Variants in NLGN1 observed in about 807,000 individuals in gnomAD.
NLGN1 encodes neuroligin-1.
A neutral mutation model predicts 65.5 loss-of-function variants in NLGN1; 12 were observed. The ratio of observed to expected loss-of-function variants is 0.18; its 90% CI spans 0.12 to 0.30. The LOEUF is 0.30. Among genes scored for constraint, NLGN1 ranks in the 10% least tolerant of loss-of-function variants. The probability of loss-of-function intolerance (pLI) is 1.00; values close to 1 mark genes in which losing one functional copy is unlikely to be tolerated. For synonymous variants in NLGN1, 350 were observed against 359.5 expected (o/e 0.97, Z 0.30); for missense variants, 750 against 1,007.1 (o/e 0.74, Z 3.46).
chr3:173,893,634 C>T (rs143475582), intron 4 of NLGN1, among the ~76,000 whole-genome samples: 2 of 152,148 alleles, frequency 1.3e-5, no homozygotes, highest in African/African-American at 4.8e-5. Context: ...CAGATCTTCA[C>T]CTTGTGTCTA....
intron 1 of NLGN1, among the ~76,000 whole-genome samples, chr3:173,414,578 C>G (rs1384642445): frequency 7.0e-6 from 1 of 143,496 alleles, no homozygotes; most frequent in Admixed American, 7.2e-5. Context: ...GCAACATCTC[C>G]ATGTGAAAAA....
chr3:173,891,178 C>T (rs1735261006), intron 4 of NLGN1, among the ~76,000 whole-genome samples: 1 of 152,146 alleles, frequency 6.6e-6, no homozygotes, highest in African/African-American at 2.4e-5. Context: ...GTAATGACAG[C>T]AAAGCACTCT....
At chr3:173,522,467 G>A (rs1346338071) in intron 2 of NLGN1, among the ~76,000 whole-genome samples, 2 of 152,198 alleles carry the variant, frequency 1.3e-5, no homozygotes, top group African/African-American at 4.8e-5. Context: ...GTCTTGCTCA[G>A]TCGCCCAGGC....
At chr3:173,573,971 G>A (rs917219654) in intron 2 of NLGN1, among the ~76,000 whole-genome samples, 2 of 148,760 alleles carry the variant, frequency 1.3e-5, no homozygotes, top group Admixed American at 6.8e-5. Context: ...GCTGAGGCAG[G>A]AGAATGGCGT....
chr3:174,143,630 G>A (rs1722682368), intron 4 of NLGN1, among the ~76,000 whole-genome samples: 1 of 151,844 alleles, frequency 6.6e-6, no homozygotes. Context: ...ATGGAGATTT[G>A]GTGGGGGGGT....
chr3:173,843,361 A>C (rs576782363), intron 4 of NLGN1, among the ~76,000 whole-genome samples: 1 of 152,354 alleles, frequency 6.6e-6, no homozygotes, highest in African/African-American at 2.4e-5. Context: ...TTACTTATGC[A>C]AATTTCTGCA....
intron 4 of NLGN1, among the ~76,000 whole-genome samples, chr3:174,154,027 T>G (rs535993292): frequency 6.6e-6 from 1 of 152,242 alleles, no homozygotes; most frequent in South Asian, 2.1e-4. Context: ...AAATAAAATG[T>G]AACTGTGATT....
intron 4 of NLGN1, among the ~76,000 whole-genome samples, chr3:174,034,962 G>C (rs907169722): frequency 1.3e-5 from 2 of 152,136 alleles, no homozygotes; most frequent in African/African-American, 4.8e-5. Context: ...ATTGGAGAAA[G>C]ATATGCCATG....
chr3:174,191,778 G>A (rs1387542580), intron 4 of NLGN1, among the ~76,000 whole-genome samples: 1 of 151,376 alleles, frequency 6.6e-6, no homozygotes, highest in Non-Finnish European at 1.5e-5. Context: ...CAGATTTTCA[G>A]GTTGTTTTGT....
At chr3:174,153,026 T>G (rs1476186772) in intron 4 of NLGN1, among the ~76,000 whole-genome samples, 1 of 152,166 alleles carries the variant, frequency 6.6e-6, no homozygotes, top group Non-Finnish European at 1.5e-5. Context: ...TTTCTGACTT[T>G]ACTTCCTGCC....
intron 2 of NLGN1, among the ~76,000 whole-genome samples, chr3:173,569,337 C>T (rs114001769): frequency 0.024 from 3,590 of 152,048 alleles, 56 homozygotes; most frequent in Middle Eastern, 0.048. Context: ...AGAGATTTTT[C>T]CTTCATCTGT....
At position 173,500,259 on chromosome 3, in the gene NLGN1, G is replaced by A. The variant is rs1242772336; in HGVS notation, c.-321+65181G>A. Among the ~76,000 whole-genome samples the A allele has an allele frequency of 5.3e-5, 8 of 152,296 alleles. No homozygotes were observed. In the East Asian group the frequency reaches 1.5e-3, roughly 29 times the overall value. ...CTAATTTATTGAGAGTTTGTAGCAT[G>A]AAAGGTTGTTGAATTTTGTCAAAGG... On this transcript the variant is annotated intron_variant, in intron 2 of 6. Coordinates refer to ENST00000457714, the Ensembl canonical transcript of NLGN1.
At chr3:174,007,163 G>C (rs144589553) in intron 4 of NLGN1, among the ~76,000 whole-genome samples, 25 of 152,188 alleles carry the variant, frequency 1.6e-4, no homozygotes, top group Admixed American at 5.9e-4. Context: ...ACAGTAAGAC[G>C]GTGACCATCT....
chr3:173,723,341 A>G (rs1258575709), intron 3 of NLGN1, among the ~76,000 whole-genome samples: 1 of 152,224 alleles, frequency 6.6e-6, no homozygotes, highest in Non-Finnish European at 1.5e-5. Context: ...CCTGAAAATG[A>G]TGGCACAATA....
At chr3:173,954,101 ATAT>A (rs1210641353) in intron 4 of NLGN1, among the ~76,000 whole-genome samples, 1 of 152,182 alleles carries the variant, frequency 6.6e-6, no homozygotes, top group African/African-American at 2.4e-5. Flanking sequence ...AAAATGTAAA[ATAT>A]TATCATCAGT....
Position 174,219,251 on chromosome 3 carries a change from G to A in NLGN1, c.647-56064G>A, listed in dbSNP as rs1314569307. 2.0e-5 allele frequency among the ~76,000 whole-genome samples: 3 copies of A among 152,122 alleles called. No homozygotes were observed. The East Asian group carries it at 5.8e-4, about 29-fold the overall frequency. The stretch of plus-strand genomic sequence containing the variant: ...AAGGTTCTCTGAAGCAGTAAAGTGG[G>A]GATGGCAAGGATTTTCAAGCCACAT... On this transcript the variant is annotated intron_variant, in intron 4 of 6. Coordinates refer to ENST00000457714, the Ensembl canonical transcript of NLGN1.
intron 4 of NLGN1, among the ~76,000 whole-genome samples, chr3:174,065,664 G>T (rs1020010141): frequency 6.6e-6 from 1 of 151,746 alleles, no homozygotes; most frequent in African/African-American, 2.4e-5. Context: ...CTTGCTTCTA[G>T]TGAATAGAAT....
intron 4 of NLGN1, among the ~76,000 whole-genome samples, chr3:174,007,214 C>G (rs1046587808): frequency 2.0e-5 from 3 of 152,146 alleles, no homozygotes; most frequent in African/African-American, 4.8e-5. Context: ...CCAAACCTGT[C>G]AACACCTTGA....
chr3:173,623,088 G>GT (rs1210487600), intron 3 of NLGN1, among the ~76,000 whole-genome samples: 7 of 152,016 alleles, frequency 4.6e-5, no homozygotes, highest in South Asian at 2.1e-4. Context: ...CCAGCACCGT[G>GT]TTTTTTTTCA....
Sources: gnomAD v4.1 joint callset for allele counts (sites outside exome capture counted in the v4.1 genomes callset) on GRCh38, gnomAD v4.1.1 for gene constraint, MANE v1.5 for transcripts, NCBI Gene and HGNC (gene_info 2026-07-23, HGNC 2026-07-21) for gene names.